The following ERN2 variants were observed in gnomAD, a reference collection of about 807,000 sequenced individuals.
ERN2 encodes serine/threonine-protein kinase/endoribonuclease IRE2.
A neutral mutation model predicts 107.9 loss-of-function variants in ERN2; 111 were observed. That is an observed-to-expected ratio of 1.03 (90% CI 0.88 to 1.20). The LOEUF is 1.20. Among genes scored for constraint, ERN2 ranks in the 50% most tolerant of loss-of-function variants. The probability of loss-of-function intolerance (pLI) is 0.00; values close to 1 mark genes in which losing one functional copy is unlikely to be tolerated. For missense variants in ERN2, 1,225 were observed against 1,197.9 expected (o/e 1.02, Z -0.33); for synonymous variants, 524 against 501.7 (o/e 1.04, Z -0.59).
chr16:23,705,155 G>A lies in ERN2; in HGVS notation c.590-8C>T. 6.2e-7 allele frequency: 1 copy of A among 1,610,164 alleles called. No homozygotes were observed. Among genetic ancestry groups the A allele is most frequent in the Non-Finnish European group, 8.5e-7 (1 of 1,176,764 alleles). On this transcript the variant is annotated splice_polypyrimidine_tract_variant and splice_region_variant and intron_variant, in intron 7 of 21. Transcript: ENST00000256797. ...ACGCCAGGTGGCTCATGTCTGCCGA[G>A]AAAGGTGGCTGGGGAGATGTGGTTG...
intron 4 of ERN2, among the ~76,000 whole-genome samples, chr16:23,708,241 T>C (rs941925389): frequency 3.9e-5 from 6 of 152,030 alleles, no homozygotes; most frequent in African/African-American, 1.2e-4. Context: ...TTTGGATTTG[T>C]GTCCCCACAC....
chr16:23,706,696 C>T (rs1215046910), intron 6 of ERN2, 58 bp downstream of exon 6: 1 of 1,226,584 alleles, frequency 8.2e-7, no homozygotes, highest in African/African-American at 1.5e-5. Context: ...AGCTAGATCT[C>T]AGCAGAGCAA....
intron 17 of ERN2, among the ~76,000 whole-genome samples, chr16:23,693,101 T>C (rs1206766797): frequency 6.6e-6 from 1 of 151,628 alleles, no homozygotes; most frequent in Admixed American, 6.6e-5. Flanking sequence ...AAGACCAGCG[T>C]GGGCAACATG....
At position 23,710,910 on chromosome 16, in the gene ERN2, C is replaced by G; in HGVS notation, c.199+3G>C. 6.2e-7 allele frequency: 1 copy of G among 1,607,642 alleles called. No homozygotes were observed. The highest frequency in any genetic ancestry group is 8.5e-7 in the Non-Finnish European group (1 of 1,174,094). On this transcript the variant is annotated splice_donor_region_variant and intron_variant, in intron 2 of 21. Coordinates refer to ENST00000256797, the MANE Select transcript of ERN2 (RefSeq NM_033266.4). ...GAGGGAGGAGGGACCACCTCTTGCT[C>G]ACCATCCCTCAGAGTCCACTTCAGG...
At position 23,695,355 on chromosome 16, in the gene ERN2, G is replaced by T. The variant is rs1567245000; in HGVS notation, c.1645C>A (p.Arg549=). ...QFEGRAVAVK[R]LLRECFGLVR... ...AGGCCAAAGCACTCGCGGAGGAGCC[G>T]CTTGACAGCCACTGCCCGTCCCTCA... Residue 549 remains arginine, a synonymous_variant, in exon 15 of 22, where the codon CGG becomes AGG. Coordinates refer to ENST00000256797, the MANE Select transcript of ERN2 (RefSeq NM_033266.4). The T allele has an allele frequency of 6.2e-7, 1 of 1,606,656 alleles. No homozygotes were observed. Among genetic ancestry groups the T allele is most frequent in the East Asian group, 2.2e-5 (1 of 44,594 alleles).
At chr16:23,699,412 A>G (rs1959958263) in intron 13 of ERN2, among the ~76,000 whole-genome samples, 1 of 152,140 alleles carries the variant, frequency 6.6e-6, no homozygotes, top group African/African-American at 2.4e-5. Flanking sequence ...AATCAAGCAG[A>G]AGTAGCCTGG....
intron 17 of ERN2, among the ~76,000 whole-genome samples, chr16:23,693,783 G>A (rs1405980057): frequency 2.0e-5 from 3 of 151,940 alleles, no homozygotes; most frequent in Non-Finnish European, 4.4e-5. Context: ...TTCAACTTCC[G>A]CCCACACACT....
intron 8 of ERN2, among the ~76,000 whole-genome samples, chr16:23,703,888 A>G (rs1177698830): frequency 2.6e-5 from 4 of 152,078 alleles, no homozygotes; most frequent in African/African-American, 9.7e-5. Context: ...ATACATTCCC[A>G]TGGCATCTTA....
At chr16:23,692,397 C>G in intron 17 of ERN2, 66 bp from the exon 18 acceptor site, 2 of 1,561,652 alleles carry the variant, frequency 1.3e-6, no homozygotes, top group Non-Finnish European at 1.7e-6. Context: ...TGGCTAAATT[C>G]TCCCATGGGC....
intron 11 of ERN2, 37 bp downstream of exon 11, chr16:23,702,115 C>A (rs751356508): frequency 6.3e-7 from 1 of 1,588,958 alleles, no homozygotes; most frequent in African/African-American, 1.4e-5. Flanking sequence ...TCTGCTGGGG[C>A]CTCCCTACCC....
Position 23,691,335 on chromosome 16 carries a change from A to G in ERN2, c.2467T>C (p.Trp823Arg), listed in dbSNP as rs761911737. The change falls in exon 20 of 22, where the codon TGG (tryptophan) becomes CGG (arginine). Residue 823 changes from tryptophan (W) to arginine (R), a missense_variant. Transcript: ENST00000256797. The part of the protein sequence containing the change: ...AGGCAVVRDN[W>R]HEHISMPLQT... ...AGCGGCATGGAGATGTGCTCGTGCC[A>G]GTTGTCCCGGACCACTGCGCAGCCT... 4.4e-6 allele frequency: 7 copies of G among 1,607,858 alleles called. No individual in the cohort carries two copies. In the East Asian group the frequency reaches 1.6e-4, roughly 36 times the overall value.
intron 4 of ERN2, 64 bp downstream of exon 4, chr16:23,710,108 C>G (rs1960478919): frequency 8.9e-7 from 1 of 1,126,210 alleles, no homozygotes; most frequent in South Asian, 1.2e-5. Flanking sequence ...CTCTCCACCT[C>G]TCAGTGCTCC....
In ERN2 at chr16:23,695,987, G is replaced by A. The variant is rs1289336006; in HGVS notation, c.1526-9C>T. 2.5e-6 allele frequency: 4 copies of A among 1,611,390 alleles called. No individual in the cohort carries two copies. The highest frequency in any genetic ancestry group is 1.1e-5 in the South Asian group (1 of 90,974). On this transcript the variant is annotated splice_polypyrimidine_tract_variant and intron_variant, in intron 13 of 21. Coordinates refer to ENST00000256797, the MANE Select transcript of ERN2 (RefSeq NM_033266.4). ...TACGGTGAGTTGCTCAGCTGGGGGA[G>A]AGGAGGGTGGTGACTCAGGGAGCCT...
At chr16:23,711,122 G>A in intron 1 of ERN2, 104 bp from the exon 2 acceptor site, 1 of 716,634 alleles carries the variant, frequency 1.4e-6, no homozygotes, top group Non-Finnish European at 2.5e-6. Context: ...CCCAGATGGG[G>A]ATGCAGCAGG....
chr16:23,695,774 G>A (rs2141007504), intron 14 of ERN2, 120 bp downstream of exon 14: 3 of 652,140 alleles, frequency 4.6e-6, no homozygotes, highest in Non-Finnish European at 8.4e-6. Flanking sequence ...CAGGACTGGC[G>A]AGTGAGGGAT....
At chr16:23,711,318 A>G (rs531739386) in intron 1 of ERN2, among the ~76,000 whole-genome samples, 1 of 152,272 alleles carries the variant, frequency 6.6e-6, no homozygotes, top group East Asian at 1.9e-4. Context: ...GGCCTTTACA[A>G]AATGACTTCA....
intron 17 of ERN2, among the ~76,000 whole-genome samples, chr16:23,693,902 G>A (rs972301054): frequency 2.0e-5 from 3 of 152,150 alleles, no homozygotes; most frequent in African/African-American, 4.8e-5. Flanking sequence ...CAAAACCTTC[G>A]ATACCAGTGG....
intron 12 of ERN2, 119 bp from the exon 13 acceptor site, chr16:23,700,823 G>A: frequency 6.8e-7 from 1 of 1,464,074 alleles, no homozygotes; most frequent in Non-Finnish European, 9.2e-7. Context: ...CAAGATCGCA[G>A]GGGCCTGGGG....
At chr16:23,707,740 CA>C (rs564353767) in intron 4 of ERN2, among the ~76,000 whole-genome samples, 12 of 151,628 alleles carry the variant, frequency 7.9e-5, no homozygotes, top group Non-Finnish European at 1.5e-5. Flanking sequence ...AACAAACAAA[CA>C]AAAAAAAGCC....
Sources: allele counts gnomAD v4.1 joint callset (sites outside exome capture counted in the v4.1 genomes callset), GRCh38; gene constraint gnomAD v4.1.1; transcripts MANE v1.5; gene names NCBI Gene and HGNC (gene_info 2026-07-23, HGNC 2026-07-21).